Variants in INTS2 observed in about 807,000 individuals in gnomAD.
INTS2 encodes KIAA1287.
A neutral mutation model predicts 139.6 loss-of-function variants in INTS2; 57 were observed. The ratio of observed to expected loss-of-function variants is 0.41; its 90% CI spans 0.33 to 0.51. INTS2 has a LOEUF of 0.51. Ranked by LOEUF, INTS2 falls within the 20% of genes least tolerant of loss-of-function variation. The pLI, the probability that INTS2 is intolerant of heterozygous loss-of-function variation, is 0.28. For missense variants in INTS2, 1,196 were observed against 1,436.7 expected (o/e 0.83, Z 2.71); for synonymous variants, 473 against 493.4 (o/e 0.96, Z 0.55).
At position 61,893,908 on chromosome 17, in the gene INTS2, GA is replaced by G; in HGVS notation, c.1564-10del. 2 of 1,532,348 alleles carry G rather than the reference GA, an allele frequency of 1.3e-6. No individual in the cohort carries two copies. Among genetic ancestry groups the G allele is most frequent in the Non-Finnish European group, 1.8e-6 (2 of 1,135,648 alleles). 94.9% of individuals were successfully genotyped at this position (1,532,348 alleles called of 1,614,324 possible). Reference sequence around the variant, plus strand: ...GCATGAGCTGTGACAACCTAAAAGGGAAAAATAGCATTAGTAATATAATAGA... The same window carrying G: ...GCATGAGCTGTGACAACCTAAAAGGGAAAATAGCATTAGTAATATAATAGA... On this transcript the variant is annotated splice_polypyrimidine_tract_variant and intron_variant, in intron 12 of 24. Transcript: ENST00000251334. The surrounding 1 kb of genome is among the most constrained non-coding windows in gnomAD (Gnocchi z 5.4).
chr17:61,920,381 C>T (rs1207658727), intron 4 of INTS2, among the ~76,000 whole-genome samples: 1 of 151,662 alleles, frequency 6.6e-6, no homozygotes, highest in Non-Finnish European at 1.5e-5. Context: ...AGGGTTTCAC[C>T]ATGTTGACCT....
In INTS2 at chr17:61,926,584, C is replaced by T. The variant is rs1385882499; in HGVS notation, c.61G>A (p.Val21Met). 1 of 1,612,974 alleles carries T rather than the reference C, an allele frequency of 6.2e-7. No homozygotes were observed. Among genetic ancestry groups the T allele is most frequent in the Admixed American group, 1.7e-5 (1 of 59,842 alleles). ...SPFAFEAMQK[V>M]DVVCLASLSD... The stretch of plus-strand genomic sequence containing the variant: ...AAAGATGCCAGGCAAACAACATCCA[C>T]CTTCTGCATTGCCTCAAAAGCAAAA... The change falls in exon 2 of 25, where the codon GTG becomes ATG. Residue 21 changes from valine (V) to methionine (M), a missense_variant. By Grantham distance (21) the Val-to-Met change is conservative. This residue lies in a region of INTS2 where 36 missense variants were observed against 30.1 expected (regional missense o/e 1.19). Coordinates refer to ENST00000251334, the MANE Select transcript of INTS2 (RefSeq NM_001351695.2).
At chr17:61,880,789 G>C (rs559354936) in intron 17 of INTS2, among the ~76,000 whole-genome samples, 2 of 127,946 alleles carry the variant, frequency 1.6e-5, no homozygotes, top group Non-Finnish European at 3.2e-5. Flanking sequence ...GGGAAAGGGG[G>C]AAAGGAGTAA....
intron 8 of INTS2, 65 bp from the exon 9 acceptor site, chr17:61,904,650 T>C: frequency 1.5e-6 from 2 of 1,373,202 alleles, no homozygotes; most frequent in Middle Eastern, 3.7e-4. Context: ...AAGTGAATTT[T>C]TAACCTTTTA....
Position 61,907,399 on chromosome 17 carries a change from A to G in INTS2, c.1181+9T>C. 2 of 1,558,328 alleles carry G rather than the reference A, an allele frequency of 1.3e-6. No homozygotes were observed. Among genetic ancestry groups the G allele is most frequent in the Admixed American group, 1.9e-5 (1 of 52,502 alleles). On this transcript the variant is annotated intron_variant, in intron 8 of 24. Coordinates refer to ENST00000251334, the MANE Select transcript of INTS2 (RefSeq NM_001351695.2). ...TGACAAAAAGGTAAAATATCAAACT[A>G]TTGAATACTTGAGTCCAGCGATCCC...
At chr17:61,895,149 T>C (rs1361176070) in intron 12 of INTS2, among the ~76,000 whole-genome samples, 166 bp downstream of exon 12, 1 of 152,206 alleles carries the variant, frequency 6.6e-6, no homozygotes, top group East Asian at 1.9e-4. Flanking sequence ...TAAAAGTGTA[T>C]TTTAAATGGA....
Position 61,926,432 on chromosome 17 carries a change from T to C in INTS2, c.213A>G (p.Glu71=). 1 of 1,613,890 alleles carries C rather than the reference T, an allele frequency of 6.2e-7. No homozygotes were observed. ...ACAATGCAACAATGGAGTTGACAGC[T>C]TCCACTCCAGAAAGAAGGCGAAGGA... ...KLILRLLSGV[E]AVNSIVALLS... is the part of the protein sequence containing the mutation. The change falls in exon 2 of 25, where the codon GAA becomes GAG. Residue 71 remains glutamate (E), a synonymous_variant. Transcript: ENST00000251334.
chr17:61,871,744 G>A lies in INTS2; in HGVS notation c.2778+521C>T, dbSNP rs1463160006. On this transcript the variant is annotated intron_variant, in intron 20 of 24. Coordinates refer to ENST00000251334, the MANE Select transcript of INTS2 (RefSeq NM_001351695.2). The surrounding 1 kb of genome is among the most constrained non-coding windows in gnomAD (Gnocchi z 4.9). ...AAGTTAGGAGTTCAACACAAGCCTG[G>A]CAAACACAGCAAAACCCTGTCTCTA... Among the ~76,000 whole-genome samples the A allele has an allele frequency of 6.6e-6, 1 of 151,834 alleles. No individual in the cohort carries two copies. The highest frequency in any genetic ancestry group is 2.4e-5 in the African/African-American group (1 of 41,352).
intron 15 of INTS2, among the ~76,000 whole-genome samples, chr17:61,886,514 C>T (rs1345132301): frequency 6.6e-6 from 1 of 152,164 alleles, no homozygotes; most frequent in African/African-American, 2.4e-5. Context: ...TTCTATGGCC[C>T]ACTTTCCCTG....
At position 61,907,397 on chromosome 17, in the gene INTS2, C is replaced by A. The variant is rs769516410; in HGVS notation, c.1181+11G>T. 6.4e-7 allele frequency: 1 copy of A among 1,554,338 alleles called. No individual in the cohort carries two copies. Among genetic ancestry groups the A allele is most frequent in the East Asian group, 2.4e-5 (1 of 42,164 alleles). On this transcript the variant is annotated intron_variant, in intron 8 of 24. Transcript: ENST00000251334. ...AATGACAAAAAGGTAAAATATCAAA[C>A]TATTGAATACTTGAGTCCAGCGATC...
chr17:61,895,222 C>A, intron 12 of INTS2, 93 bp downstream of exon 12: 14 of 644,846 alleles, frequency 2.2e-5, no homozygotes, highest in South Asian at 4.1e-5. Flanking sequence ...GAAAAAAGAC[C>A]ATATTATTTT....
In INTS2 at chr17:61,911,756, C is replaced by T. The variant is rs1360456805; in HGVS notation, c.781-63G>A. The T allele has an allele frequency of 5.9e-6, 9 of 1,521,014 alleles. No individual in the cohort carries two copies. In the African/African-American group the frequency reaches 9.7e-5, roughly 16 times the overall value. 94.2% of individuals were successfully genotyped at this position (1,521,014 alleles called of 1,614,324 possible). A position where few individuals can be genotyped will look rare whatever the true frequency, so the allele number is the denominator to read the frequency against. On this transcript the variant is annotated intron_variant, in intron 6 of 24. Coordinates refer to ENST00000251334, the MANE Select transcript of INTS2 (RefSeq NM_001351695.2). Reference sequence around the variant, plus strand: ...TAAGCAAAAAGGCCAGTGATGCTTCCAAATCTAAAGTATCTAAAGTTTAGA... The same window carrying T: ...TAAGCAAAAAGGCCAGTGATGCTTCTAAATCTAAAGTATCTAAAGTTTAGA...
intron 18 of INTS2, 37 bp downstream of exon 18, chr17:61,877,850 T>C: frequency 1.3e-6 from 2 of 1,514,932 alleles, no homozygotes; most frequent in Non-Finnish European, 1.8e-6. Flanking sequence ...CCCTGCTATA[T>C]AATTATCTAT....
chr17:61,906,974 A>AC (rs1264396072), intron 8 of INTS2, among the ~76,000 whole-genome samples: 1 of 151,512 alleles, frequency 6.6e-6, no homozygotes, highest in Non-Finnish European at 1.5e-5. Flanking sequence ...AAAAAAAAAA[A>AC]AAAAAAAAAA....
chr17:61,893,931 T>C lies in INTS2; in HGVS notation c.1564-32A>G, dbSNP rs951043842. 3 of 1,432,464 alleles carry C rather than the reference T, an allele frequency of 2.1e-6. No individual in the cohort carries two copies. Among genetic ancestry groups the C allele is most frequent in the South Asian group, 1.4e-5 (1 of 69,266 alleles). The allele number at this position is 1,432,464 out of a possible 1,614,324, so 88.7% of individuals were successfully genotyped here. ...GGGAAAAATAGCATTAGTAATATAA[T>C]AGAACTAAATATAAAATTATTTTGA... On this transcript the variant is annotated intron_variant, in intron 12 of 24. Coordinates refer to ENST00000251334, the MANE Select transcript of INTS2 (RefSeq NM_001351695.2). This position sits in a 1 kb window ranked among gnomAD's most constrained non-coding sequence, Gnocchi z 5.4.
In INTS2 at chr17:61,897,842, C is replaced by G; in HGVS notation, c.1308-103G>C. The G allele has an allele frequency of 2.4e-6, 2 of 842,300 alleles. No individual in the cohort carries two copies. Among genetic ancestry groups the G allele is most frequent in the Non-Finnish European group, 3.8e-6 (2 of 531,798 alleles). 52.2% of individuals were successfully genotyped at this position (842,300 alleles called of 1,614,324 possible). A position where few individuals can be genotyped will look rare whatever the true frequency, so the allele number is the denominator to read the frequency against. ...TTTTGGTAGAAATTATTTTTCCTGCCCTATTTTCAAGTATCAAGTCAAATT... is the reference window on the plus strand; with the variant it reads ...TTTTGGTAGAAATTATTTTTCCTGCGCTATTTTCAAGTATCAAGTCAAATT... On this transcript the variant is annotated intron_variant, in intron 9 of 24. Transcript: ENST00000251334. The surrounding 1 kb of genome is among the most constrained non-coding windows in gnomAD (Gnocchi z 4.4).
chr17:61,870,588 T>C lies in INTS2; in HGVS notation c.2779-600A>G, dbSNP rs948266315. Among the ~76,000 whole-genome samples, 2 of 152,054 alleles carry C rather than the reference T, an allele frequency of 1.3e-5. No individual in the cohort carries two copies. Among genetic ancestry groups the C allele is most frequent in the Non-Finnish European group, 2.9e-5 (2 of 68,006 alleles). On this transcript the variant is annotated intron_variant, in intron 20 of 24. Coordinates refer to ENST00000251334, the MANE Select transcript of INTS2 (RefSeq NM_001351695.2). This position sits in a 1 kb window ranked among gnomAD's most constrained non-coding sequence, Gnocchi z 4.4. Reference sequence around the variant, plus strand: ...AATGGCAATATATTTGAGGCCCCTATATATAAAGGAGAGCTAAAATCACTC... The same window carrying C: ...AATGGCAATATATTTGAGGCCCCTACATATAAAGGAGAGCTAAAATCACTC...
At chr17:61,905,386 G>A (rs1465693944) in intron 8 of INTS2, among the ~76,000 whole-genome samples, 1 of 152,210 alleles carries the variant, frequency 6.6e-6, no homozygotes, top group African/African-American at 2.4e-5. Context: ...GAGCGCAGTG[G>A]CACAATCTCG....
rs561097538 is a variant in INTS2, at chr17:61,897,944, C to T, written c.1308-205G>A. ...TAGAGCTCAAGAATGAGGACCTTTG[C>T]TTTTTTTCATGGATCCCCTCTCAAA... On this transcript the variant is annotated intron_variant, in intron 9 of 24. Coordinates refer to ENST00000251334, the MANE Select transcript of INTS2 (RefSeq NM_001351695.2). This position sits in a 1 kb window ranked among gnomAD's most constrained non-coding sequence, Gnocchi z 4.4. Among the ~76,000 whole-genome samples, 19 of 152,226 alleles carry T rather than the reference C, an allele frequency of 1.2e-4. No homozygotes were observed. In the East Asian group the frequency reaches 2.7e-3, roughly 22 times the overall value.
Sources: allele counts gnomAD v4.1 joint callset (sites outside exome capture counted in the v4.1 genomes callset), GRCh38; gene constraint gnomAD v4.1.1; regional missense constraint gnomAD v4.1.1; non-coding constraint Gnocchi (gnomAD v3.1); transcripts MANE v1.5; gene names NCBI Gene and HGNC (gene_info 2026-07-23, HGNC 2026-07-21).